Variants in TENM1 observed in about 807,000 individuals in gnomAD.
The protein encoded by TENM1 is teneurin-1.
TENM1 carries 35 observed loss-of-function variants against 174.8 expected under a neutral mutation model. The observed-to-expected ratio is 0.20, with a 90% CI of 0.15 to 0.27. TENM1 has a LOEUF of 0.27. TENM1 is among the 10% of genes least tolerant of loss of function. The probability of loss-of-function intolerance (pLI) is 1.00; values close to 1 mark genes in which losing one functional copy is unlikely to be tolerated. For missense variants in TENM1, 1,633 were observed against 2,130.1 expected, an observed-to-expected ratio of 0.77 and a Z score of 4.59; for synonymous variants, 781 against 798.7, an observed-to-expected ratio of 0.98 and a Z score of 0.37.
intron 18 of TENM1, among the ~76,000 whole-genome samples, chrX:124,515,043 A>G (rs2047670261): frequency 8.9e-6 from 1 of 112,120 alleles, no homozygotes; most frequent in African/African-American, 3.2e-5. Context: ...AGTTGGTTCA[A>G]CATACTCAAA....
At chrX:124,582,712 C>T (rs772067919) in intron 11 of TENM1, among the ~76,000 whole-genome samples, 28 of 111,650 alleles carry the variant, frequency 2.5e-4, no homozygotes, top group African/African-American at 5.9e-4. Context: ...ACACCGTGTG[C>T]GAGCTGAAGC....
chrX:124,413,726 CA>C (rs1469055062), intron 25 of TENM1, among the ~76,000 whole-genome samples: 1 of 112,603 alleles, frequency 8.9e-6, no homozygotes, highest in Admixed American at 9.4e-5. Context: ...TCTGAAGGAA[CA>C]GCCAACATTT....
chrX:125,104,398 T>C, the TENM1 span, among the ~76,000 whole-genome samples: 1 of 112,086 alleles, frequency 8.9e-6, no homozygotes, highest in African/African-American at 3.2e-5. Context: ...CTCTGTGAAA[T>C]AGATGTGATT....
At chrX:125,079,187 T>C in the TENM1 span, among the ~76,000 whole-genome samples, 1 of 111,551 alleles carries the variant, frequency 9.0e-6, no homozygotes, top group South Asian at 3.7e-4. Flanking sequence ...GAATAAGATA[T>C]AAAAATAATA....
At chrX:125,168,726 A>G in the TENM1 span, among the ~76,000 whole-genome samples, 1 of 110,778 alleles carries the variant, frequency 9.0e-6, no homozygotes, top group African/African-American at 3.3e-5. Context: ...ACTGCCATGA[A>G]TTCTACACCT....
At chrX:124,990,768 T>C in the TENM1 span, among the ~76,000 whole-genome samples, 1 of 112,145 alleles carries the variant, frequency 8.9e-6, no homozygotes, top group African/African-American at 3.2e-5. Flanking sequence ...AATTTATCGA[T>C]TGTCCAGCAG....
intron 3 of TENM1, among the ~76,000 whole-genome samples, chrX:124,822,190 G>A (rs1020902528): frequency 4.5e-5 from 5 of 111,728 alleles, no homozygotes; most frequent in African/African-American, 1.6e-4. Context: ...GAATTAGGAT[G>A]TGGTAGGAAT....
intron 18 of TENM1, among the ~76,000 whole-genome samples, chrX:124,507,802 G>A (rs1382134115): frequency 8.9e-6 from 1 of 111,878 alleles, no homozygotes; most frequent in Non-Finnish European, 1.9e-5. Context: ...AGATTAAGCA[G>A]ATGACTTTCA....
At chrX:124,879,310 A>T (rs1329927013) in intron 3 of TENM1, among the ~76,000 whole-genome samples, 1 of 111,854 alleles carries the variant, frequency 8.9e-6, no homozygotes, top group East Asian at 2.8e-4. Flanking sequence ...GGTATCTATC[A>T]TTCTAAACTC....
At chrX:125,189,936 G>T in the TENM1 span, among the ~76,000 whole-genome samples, 1 of 111,548 alleles carries the variant, frequency 9.0e-6, no homozygotes, top group Non-Finnish European at 1.9e-5. Flanking sequence ...CTATATTAAT[G>T]CTATTTCTAT....
intron 11 of TENM1, among the ~76,000 whole-genome samples, chrX:124,635,270 T>C (rs2050852279): frequency 8.9e-6 from 1 of 112,090 alleles, no homozygotes; most frequent in South Asian, 3.7e-4. Context: ...TGTGAATACA[T>C]GCACACCCAC....
intron 11 of TENM1, among the ~76,000 whole-genome samples, chrX:124,577,384 C>A (rs2049192313): frequency 9.0e-6 from 1 of 110,695 alleles, no homozygotes; most frequent in Admixed American, 9.7e-5. Context: ...ATAAGCATGA[C>A]AGGGGAGAAA....
chrX:124,895,186 A>G (rs1345262665), intron 2 of TENM1, among the ~76,000 whole-genome samples: 1 of 111,291 alleles, frequency 9.0e-6, no homozygotes, highest in Non-Finnish European at 1.9e-5. Context: ...AGTACTAATT[A>G]CCACTGTTAA....
chrX:124,907,222 A>G (rs2045647440), intron 1 of TENM1, among the ~76,000 whole-genome samples: 1 of 112,248 alleles, frequency 8.9e-6, no homozygotes, highest in Non-Finnish European at 1.9e-5. Context: ...ATCTGTGTTC[A>G]CACACTGTCA....
At chrX:125,095,416 T>C in the TENM1 span, among the ~76,000 whole-genome samples, 1 of 111,849 alleles carries the variant, frequency 8.9e-6, no homozygotes, top group Non-Finnish European at 1.9e-5. Context: ...GGGCAACAGA[T>C]TGGATTTTTT....
chrX:124,814,287 G>C (rs1603225735), intron 3 of TENM1, among the ~76,000 whole-genome samples: 1 of 111,806 alleles, frequency 8.9e-6, no homozygotes. Flanking sequence ...TTGGAACAAT[G>C]CCTGATACAG....
chrX:124,979,465 A>C, the TENM1 span, among the ~76,000 whole-genome samples: 1 of 112,183 alleles, frequency 8.9e-6, no homozygotes, highest in African/African-American at 3.2e-5. Context: ...TAGTAAAAAA[A>C]TGTAAAATGT....
At chrX:124,557,873 G>A (rs777366115) in intron 14 of TENM1, among the ~76,000 whole-genome samples, 19 of 111,759 alleles carry the variant, frequency 1.7e-4, no homozygotes, top group Non-Finnish European at 2.3e-4. Flanking sequence ...TGCATGTAAT[G>A]TATGGTGATC....
chrX:124,660,250 C>T (rs2051562232), intron 6 of TENM1, among the ~76,000 whole-genome samples: 1 of 109,714 alleles, frequency 9.1e-6, no homozygotes, highest in Non-Finnish European at 1.9e-5. Context: ...TGGCGGGTGC[C>T]TGTAGTCCCA....
Sources: gnomAD v4.1 joint callset for allele counts (sites outside exome capture counted in the v4.1 genomes callset) on GRCh38, gnomAD v4.1.1 for gene constraint, MANE v1.5 for transcripts, NCBI Gene and HGNC (gene_info 2026-07-23, HGNC 2026-07-21) for gene names.